The following JPH1 variants were observed in gnomAD, a reference collection of about 807,000 sequenced individuals.
JPH1 encodes junctophilin 1, also known as junctophilin-1.
In JPH1, 12 loss-of-function variants were observed where a neutral mutation model predicts 53.6. That is an observed-to-expected ratio of 0.22 (90% CI 0.14 to 0.36). The LOEUF (loss-of-function observed/expected upper bound fraction) is 0.36, where lower values mean the gene tolerates loss of function less well. Among genes scored for constraint, JPH1 ranks in the 10% least tolerant of loss-of-function variants. JPH1 has a pLI of 1.00. For synonymous variants in JPH1, 375 were observed against 363.8 expected (o/e 1.03, Z -0.35); for missense variants, 808 against 905.5 (o/e 0.89, Z 1.38).
intron 2 of JPH1, among the ~76,000 whole-genome samples, chr8:74,304,848 A>T (rs1353384112): frequency 6.6e-6 from 1 of 152,242 alleles, no homozygotes; most frequent in African/African-American, 2.4e-5. Context: ...GGCTTAAATA[A>T]CTTTCTTTTG....
intron 3 of JPH1, among the ~76,000 whole-genome samples, chr8:74,253,069 C>A (rs936803077): frequency 7.9e-5 from 12 of 152,062 alleles, no homozygotes; most frequent in Admixed American, 2.6e-4. Flanking sequence ...AACTCTCCAC[C>A]CCAAATCAAC....
rs1183818456 is a variant in JPH1 at position 74,235,897 on chromosome 8, T to C, written c.*1154A>G. On this transcript the variant is annotated 3_prime_UTR_variant, in exon 6 of 6. Transcript: ENST00000342232. ...CTACCTGAATGTATTCAACAGAAAT[T>C]TAAGTTGGAAAAAGAAAACAAGAAA... is the stretch of plus-strand genomic sequence containing the variant. 1 of 152,168 alleles carries C rather than the reference T, an allele frequency of 6.6e-6. No individual in the cohort carries two copies. The highest frequency in any genetic ancestry group is 2.4e-5 in the African/African-American group (1 of 41,430). 9.4% of individuals were successfully genotyped at this position (152,168 alleles called of 1,614,324 possible). A position where few individuals can be genotyped will look rare whatever the true frequency, so the allele number is the denominator to read the frequency against.
At position 74,293,491 on chromosome 8, in the gene JPH1, C is replaced by T. The variant is rs139722535; in HGVS notation, c.1139+21370G>A. ...AAACTAAGGCTTGGAGAGGTGAAAC[C>T]GGTTGCTCAAGGCCACTTAAAGTGA... On this transcript the variant is annotated intron_variant, in intron 2 of 5. Coordinates refer to ENST00000342232, the MANE Select transcript of JPH1 (RefSeq NM_020647.4). Among the ~76,000 whole-genome samples, 341 of 152,280 alleles carry T rather than the reference C, an allele frequency of 2.2e-3. 1 individual carries two copies. The highest frequency in any genetic ancestry group is 3.5e-3 in the Non-Finnish European group (241 of 68,018).
At chr8:74,307,073 A>G (rs189735528) in intron 2 of JPH1, among the ~76,000 whole-genome samples, 5 of 152,302 alleles carry the variant, frequency 3.3e-5, no homozygotes, top group African/African-American at 1.2e-4. Context: ...ATACATGCTC[A>G]CATCTGCACA....
intron 2 of JPH1, among the ~76,000 whole-genome samples, chr8:74,313,351 G>T (rs1250989885): frequency 6.6e-6 from 1 of 152,122 alleles, no homozygotes; most frequent in African/African-American, 2.4e-5. Context: ...AAAGATGCCT[G>T]GTAGAGAAGA....
chr8:74,314,738 CTTTGA>C (rs1186318500), intron 2 of JPH1, 118 bp downstream of exon 2: 2 of 1,152,026 alleles, frequency 1.7e-6, no homozygotes, highest in South Asian at 1.4e-5. Context: ...CATTTTTCAC[CTTTGA>C]TTTTTTAGTA....
In JPH1 at chr8:74,252,276, A is replaced by T. The variant is rs369588834; in HGVS notation, c.1259-7101T>A. Among the ~76,000 whole-genome samples the T allele has an allele frequency of 1.1e-4, 17 of 152,322 alleles. No individual in the cohort carries two copies. The East Asian group carries it at 3.3e-3, about 29-fold the overall frequency. On this transcript the variant is annotated intron_variant, in intron 3 of 5. Transcript: ENST00000342232. ...CACAGGCATGGGCAAGGACTTCATG[A>T]CTAAAACACCAAAAGCAATGGCAAC... is the stretch of plus-strand genomic sequence containing the variant.
At chr8:74,276,741 T>C (rs1443876083) in intron 2 of JPH1, among the ~76,000 whole-genome samples, 25 of 152,224 alleles carry the variant, frequency 1.6e-4, no homozygotes, top group Admixed American at 1.6e-3. Context: ...AGTCGAGCTG[T>C]AGATTTTTCC....
chr8:74,257,980 T>C (rs1374394676), intron 3 of JPH1, among the ~76,000 whole-genome samples: 1 of 152,154 alleles, frequency 6.6e-6, no homozygotes, highest in Non-Finnish European at 1.5e-5. Flanking sequence ...CCTGCCCCCA[T>C]TCTCCAGGTC....
At chr8:74,292,378 G>A (rs1807357081) in intron 2 of JPH1, among the ~76,000 whole-genome samples, 1 of 152,140 alleles carries the variant, frequency 6.6e-6, no homozygotes, top group Non-Finnish European at 1.5e-5. Flanking sequence ...ACATCAAACG[G>A]CCAATAAGCA....
At chr8:74,275,558 G>C (rs1179746291) in intron 2 of JPH1, among the ~76,000 whole-genome samples, 1 of 152,078 alleles carries the variant, frequency 6.6e-6, no homozygotes, top group East Asian at 1.9e-4. Flanking sequence ...CTTTTTCTAA[G>C]ATGTTTCTTT....
chr8:74,235,960 T>G lies in JPH1; in HGVS notation c.*1091A>C, dbSNP rs1034958181. 1 of 152,248 alleles carries G rather than the reference T, an allele frequency of 6.6e-6. No individual in the cohort carries two copies. Among genetic ancestry groups the G allele is most frequent in the African/African-American group, 2.4e-5 (1 of 41,466 alleles). 9.4% of individuals were successfully genotyped at this position (152,248 alleles called of 1,614,324 possible). On this transcript the variant is annotated 3_prime_UTR_variant, in exon 6 of 6. Coordinates refer to ENST00000342232, the MANE Select transcript of JPH1 (RefSeq NM_020647.4). ...TTATTAATAGCATCTTGCTTAACTT[T>G]CATGGGAATTAACACAGCCACCGAC...
At chr8:74,238,017 T>C (rs1208608650) in intron 4 of JPH1, among the ~76,000 whole-genome samples, 1 of 152,222 alleles carries the variant, frequency 6.6e-6, no homozygotes, top group Non-Finnish European at 1.5e-5. Context: ...AAATTTTTAC[T>C]TGTTTAAACA....
rs1261959602 is a variant in JPH1 at position 74,235,808 on chromosome 8, A to C, written c.*1243T>G. On this transcript the variant is annotated 3_prime_UTR_variant, in exon 6 of 6. Transcript: ENST00000342232. ...TTTAAAATGTGAAATGAAATTACAA[A>C]AGGACTTTGAAAAACAGGAAAGGCA... 1 of 152,564 alleles carries C rather than the reference A, an allele frequency of 6.6e-6. No individual in the cohort carries two copies. Among genetic ancestry groups the C allele is most frequent in the African/African-American group, 2.4e-5 (1 of 41,474 alleles). The allele number at this position is 152,564 out of a possible 1,614,324, so 9.5% of individuals were successfully genotyped here.
intron 2 of JPH1, among the ~76,000 whole-genome samples, chr8:74,269,567 G>C (rs1322502825): frequency 6.6e-6 from 1 of 152,112 alleles, no homozygotes; most frequent in African/African-American, 2.4e-5. Context: ...CAAGCACAAG[G>C]GTATTTGCTT....
At position 74,255,249 on chromosome 8, in the gene JPH1, C is replaced by T. The variant is rs986560670; in HGVS notation, c.1258+4136G>A. 3.1e-4 allele frequency among the ~76,000 whole-genome samples: 47 copies of T among 152,056 alleles called. 1 individual carries two copies. The highest frequency in any genetic ancestry group is 6.3e-4 in the Non-Finnish European group (43 of 68,026). On this transcript the variant is annotated intron_variant, in intron 3 of 5. Coordinates refer to ENST00000342232, the MANE Select transcript of JPH1 (RefSeq NM_020647.4). ...CCTCAGAAATAATGCTGCATATCTA[C>T]AACTATCTGATCTTTGACAAACTTG...
intron 3 of JPH1, among the ~76,000 whole-genome samples, chr8:74,245,999 T>A (rs2131378678): frequency 6.6e-6 from 1 of 150,692 alleles, no homozygotes; most frequent in African/African-American, 2.4e-5. Flanking sequence ...TGCCACAAAA[T>A]GTCCAGGCCC....
chr8:74,315,526 C>T lies in JPH1; in HGVS notation c.474G>A (p.Pro158=). The T allele has an allele frequency of 1.2e-6, 2 of 1,605,704 alleles. No homozygotes were observed. Among genetic ancestry groups the T allele is most frequent in the South Asian group, 1.1e-5 (1 of 90,744 alleles). ...PYGMATVIRS[P]LRTSLASLRS... ...GCAGCGAGGCCAGCGAGGTACGCAG[C>T]GGTGAGCGGATCACCGTGGCCATGC... Residue 158 remains proline, a synonymous_variant, in exon 2 of 6, where the codon CCG becomes CCA. Coordinates refer to ENST00000342232, the MANE Select transcript of JPH1 (RefSeq NM_020647.4). This position sits in a 1 kb window ranked among gnomAD's most constrained non-coding sequence, Gnocchi z 6.3.
chr8:74,271,088 C>T (rs776514735), intron 2 of JPH1, among the ~76,000 whole-genome samples: 14 of 152,266 alleles, frequency 9.2e-5, no homozygotes, highest in Middle Eastern at 3.4e-3. Context: ...CTAGGCACAA[C>T]GGGAATGTTG....
Sources: gnomAD v4.1 joint callset for allele counts (sites outside exome capture counted in the v4.1 genomes callset) on GRCh38, gnomAD v4.1.1 for gene constraint, Gnocchi (gnomAD v3.1) non-coding constraint, MANE v1.5 for transcripts, NCBI Gene and HGNC (gene_info 2026-07-23, HGNC 2026-07-21) for gene names.